Variants in NAV1 observed in about 807,000 individuals in gnomAD.
The protein encoded by NAV1 is neuron navigator 1.
NAV1 carries 18 observed loss-of-function variants against 175.2 expected under a neutral mutation model. The ratio of observed to expected loss-of-function variants is 0.10; its 90% CI spans 0.07 to 0.15. NAV1 has a LOEUF of 0.15. Among genes scored for constraint, NAV1 ranks in the 10% least tolerant of loss-of-function variants. NAV1 has a pLI of 1.00. For synonymous variants in NAV1, 897 were observed against 978.7 expected, an observed-to-expected ratio of 0.92 and a Z score of 1.56; for missense variants, 1,731 against 2,436.6, an observed-to-expected ratio of 0.71 and a Z score of 6.10.
Position 201,813,171 on chromosome 1 carries a change from C to T in NAV1, c.5253C>T (p.Gly1751=). Residue 1751 remains glycine (G), a synonymous_variant, in exon 28 of 30, where the codon GGC becomes GGT. Coordinates refer to ENST00000367296, the Ensembl canonical transcript of NAV1. The surrounding 1 kb of genome is among the most constrained non-coding windows in gnomAD (Gnocchi z 4.2). ...GCTTCTTTCTGTCGTGTCCCATTGG[C>T]ATTGAGGACTTCCGGACCTGGTTCA... 1 of 1,614,096 alleles carries T rather than the reference C, an allele frequency of 6.2e-7. No individual in the cohort carries two copies. The highest frequency in any genetic ancestry group is 1.7e-5 in the Admixed American group (1 of 60,018).
Position 201,671,608 on chromosome 1 carries a change from G to A in NAV1, c.757+22183G>A, listed in dbSNP as rs116474190. On this transcript the variant is annotated intron_variant, in intron 1 of 29. Coordinates refer to ENST00000367296, the Ensembl canonical transcript of NAV1. ...CCCTTTCTAGCTCAAAAAGCTGTGCGGAGGACCAAATGAGATCATGAATGT... is the reference window on the plus strand; with the variant it reads ...CCCTTTCTAGCTCAAAAAGCTGTGCAGAGGACCAAATGAGATCATGAATGT... 9.1e-3 allele frequency among the ~76,000 whole-genome samples: 1,380 copies of A among 152,284 alleles called. 23 individuals are homozygous for A. Among genetic ancestry groups the A allele is most frequent in the African/African-American group, 0.03 (1,265 of 41,560 alleles).
At chr1:201,736,201 T>G (rs1558110550) in intron 3 of NAV1, among the ~76,000 whole-genome samples, 1 of 152,132 alleles carries the variant, frequency 6.6e-6, no homozygotes, top group East Asian at 1.9e-4. Flanking sequence ...CGAGAAGACA[T>G]GAGGGCAGGT....
At chr1:201,754,768 T>C (rs1051866837) in intron 3 of NAV1, among the ~76,000 whole-genome samples, 1 of 152,248 alleles carries the variant, frequency 6.6e-6, no homozygotes, top group Non-Finnish European at 1.5e-5. Context: ...TATTTTATGT[T>C]ATTTGTACCA....
intron 1 of NAV1, among the ~76,000 whole-genome samples, chr1:201,692,844 A>G (rs2102421195): frequency 6.6e-6 from 1 of 152,356 alleles, no homozygotes; most frequent in South Asian, 2.1e-4. Flanking sequence ...ACTGGCAGAG[A>G]TAGTAGCTGC....
intron 3 of NAV1, among the ~76,000 whole-genome samples, chr1:201,779,642 G>C (rs1316297112): frequency 1.5e-4 from 21 of 138,590 alleles, no homozygotes. Context: ...ATGAATGTTT[G>C]TAGAGCTCAA....
In NAV1 at chr1:201,788,408, C is replaced by T; in HGVS notation, c.2996-60C>T. The T allele has an allele frequency of 6.3e-7, 1 of 1,589,262 alleles. No individual in the cohort carries two copies. On this transcript the variant is annotated intron_variant, in intron 9 of 29. Transcript: ENST00000367296. This position sits in a 1 kb window ranked among gnomAD's most constrained non-coding sequence, Gnocchi z 5.7. The stretch of plus-strand genomic sequence containing the variant: ...CCCAAGGGCCCGGAGAGCTGATGAC[C>T]CTGCCTCTTTTCCTGCCCTCCTGCT...
At chr1:201,705,632 G>T (rs766667805) in intron 1 of NAV1, among the ~76,000 whole-genome samples, 1 of 152,128 alleles carries the variant, frequency 6.6e-6, no homozygotes, top group Non-Finnish European at 1.5e-5. Flanking sequence ...CTTAAGTGGG[G>T]GAACGAGGGA....
chr1:201,588,799 C>T (rs979873949), intron 2 of NAV1, among the ~76,000 whole-genome samples, 150 bp downstream of exon 2: 1 of 152,040 alleles, frequency 6.6e-6, no homozygotes, highest in Non-Finnish European at 1.5e-5. Flanking sequence ...TGGTTGCATA[C>T]TTAGTGAGTA....
At chr1:201,816,403 G>A (rs1679031700) in intron 28 of NAV1, among the ~76,000 whole-genome samples, 1 of 151,876 alleles carries the variant, frequency 6.6e-6, no homozygotes, top group African/African-American at 2.4e-5. Flanking sequence ...TAATACATAC[G>A]TTAATTAGCT....
intron 2 of NAV1, among the ~76,000 whole-genome samples, chr1:201,617,266 A>G (rs940102426): frequency 1.0e-4 from 15 of 146,164 alleles, no homozygotes; most frequent in African/African-American, 3.7e-4. Context: ...CACACACATA[A>G]ACACACACAC....
In NAV1 at chr1:201,788,570, C is replaced by A; in HGVS notation, c.3098C>A (p.Thr1033Asn). The change falls in exon 10 of 30, where the codon ACC becomes AAC. Residue 1033 changes from threonine to asparagine, a missense_variant. Thr to Asn is a moderately conservative substitution (Grantham distance 65). Transcript: ENST00000367296. This position sits in a 1 kb window ranked among gnomAD's most constrained non-coding sequence, Gnocchi z 5.7. ...TACAGCGGCTCCCAAATGGGGAGCA[C>A]CCTGTCCCTGGCCGAGAGACCCAAG... 1 of 1,614,154 alleles carries A rather than the reference C, an allele frequency of 6.2e-7. No homozygotes were observed. Among genetic ancestry groups the A allele is most frequent in the South Asian group, 1.1e-5 (1 of 91,086 alleles).
chr1:201,729,991 AG>A (rs760741132), intron 3 of NAV1, among the ~76,000 whole-genome samples: 3 of 152,154 alleles, frequency 2.0e-5, no homozygotes, highest in Admixed American at 6.5e-5. Context: ...GGTTACTCCT[AG>A]AAAACCAAAG....
At chr1:201,758,157 G>GATC in intron 3 of NAV1, among the ~76,000 whole-genome samples, 1 of 152,316 alleles carries the variant, frequency 6.6e-6, no homozygotes, top group Admixed American at 6.5e-5. Flanking sequence ...TCCTTGATAA[G>GATC]TTTTCCTAAA....
chr1:201,737,179 T>G, intron 3 of NAV1: 1 of 152,306 alleles, frequency 6.6e-6, no homozygotes, highest in East Asian at 1.9e-4. Context: ...TTACCCAAAG[T>G]GCCCTGACCT....
intron 1 of NAV1, among the ~76,000 whole-genome samples, chr1:201,700,016 A>G (rs1224907479): frequency 2.6e-5 from 4 of 152,242 alleles, no homozygotes; most frequent in Admixed American, 1.3e-4. Context: ...AATACCATTC[A>G]GGACATAGGC....
intron 3 of NAV1, among the ~76,000 whole-genome samples, chr1:201,761,372 G>C (rs900796817): frequency 1.3e-5 from 2 of 152,208 alleles, no homozygotes; most frequent in African/African-American, 4.8e-5. Flanking sequence ...CTCAGTGGCT[G>C]GAGGTGTTTA....
At position 201,738,882 on chromosome 1, in the gene NAV1, G is replaced by A. The variant is rs76611635; in HGVS notation, c.1226+20127G>A. Among the ~76,000 whole-genome samples, 1,418 of 152,320 alleles carry A rather than the reference G, an allele frequency of 9.3e-3. 11 individuals carry two copies. The highest frequency in any genetic ancestry group is 0.017 in the Non-Finnish European group (1,139 of 68,028). ...GGTATAATTTGTCCATCTCTAAAAT[G>A]TAGGCTTCCCAGTTTGCCCAGTTCA... On this transcript the variant is annotated intron_variant, in intron 3 of 29. Coordinates refer to ENST00000367296, the Ensembl canonical transcript of NAV1.
intron 1 of NAV1, chr1:201,673,871 G>A (rs1670144042): frequency 6.6e-6 from 1 of 152,278 alleles, no homozygotes; most frequent in South Asian, 2.1e-4. Context: ...GGTAGAGTTA[G>A]GGAAGGATTC....
chr1:201,627,319 C>A (rs1459824076), intron 1 of NAV1, among the ~76,000 whole-genome samples: 1 of 151,966 alleles, frequency 6.6e-6, no homozygotes. Context: ...GTCGCCCAGG[C>A]TGGAGTGCAG....
Sources: allele counts gnomAD v4.1 joint callset (sites outside exome capture counted in the v4.1 genomes callset), GRCh38; gene constraint gnomAD v4.1.1; non-coding constraint Gnocchi (gnomAD v3.1); transcripts MANE v1.5; gene names NCBI Gene and HGNC (gene_info 2026-07-23, HGNC 2026-07-21).